AFF2: variants seen among roughly 807,000 people sequenced by gnomAD.
The protein encoded by AFF2 is ALF transcription elongation factor 2.
Under a neutral mutation model 76.9 loss-of-function variants are expected in AFF2, and 14 were observed. The ratio of observed to expected loss-of-function variants is 0.18; its 90% CI spans 0.12 to 0.28. AFF2 has a LOEUF of 0.28. Among genes scored for constraint, AFF2 ranks in the 10% least tolerant of loss-of-function variants. AFF2 has a pLI of 1.00. For missense variants in AFF2, 868 were observed against 1,001.1 expected (o/e 0.87, Z 1.79); for synonymous variants, 398 against 366.7 (o/e 1.09, Z -0.98).
intron 1 of AFF2, among the ~76,000 whole-genome samples, chrX:148,581,964 A>T (rs782249028): frequency 4.5e-5 from 5 of 111,939 alleles, no homozygotes; most frequent in Non-Finnish European, 9.4e-5. Flanking sequence ...ATGTTTCTTA[A>T]GTCTCCTTTA....
intron 3 of AFF2, among the ~76,000 whole-genome samples, chrX:148,788,940 A>T (rs2069857131): frequency 1.8e-5 from 2 of 111,788 alleles, no homozygotes; most frequent in Non-Finnish European, 3.8e-5. Flanking sequence ...CTCACTGCAT[A>T]TTTTCAAAAG....
At chrX:148,906,935 A>T (rs149808437) in intron 9 of AFF2, among the ~76,000 whole-genome samples, 1 of 111,566 alleles carries the variant, frequency 9.0e-6, no homozygotes, top group Non-Finnish European at 1.9e-5. Flanking sequence ...GCCTGGGTTC[A>T]TCCTAATCAG....
Position 148,630,108 on chromosome X carries a change from G to T in AFF2, c.48-21891G>T, listed in dbSNP as rs2053965274. ...AGAGAGTACCAGACCCCACAGAAATGCCCCCTGTGTGGGGTCTTACCAGAG... is the reference window on the plus strand; with the variant it reads ...AGAGAGTACCAGACCCCACAGAAATTCCCCCTGTGTGGGGTCTTACCAGAG... On this transcript the variant is annotated intron_variant, in intron 1 of 20. Coordinates refer to ENST00000370460, the MANE Select transcript of AFF2 (RefSeq NM_002025.4). Among the ~76,000 whole-genome samples, 3 of 111,450 alleles carry T rather than the reference G, an allele frequency of 2.7e-5. No individual in the cohort carries two copies. In the Admixed American group the frequency reaches 2.8e-4, roughly 11 times the overall value.
intron 1 of AFF2, among the ~76,000 whole-genome samples, chrX:148,579,816 G>A (rs1227813834): frequency 9.0e-6 from 1 of 111,457 alleles, no homozygotes; most frequent in Non-Finnish European, 1.9e-5. Flanking sequence ...TGGCCAAATA[G>A]ACATGATAAA....
rs2054209061 is a variant in AFF2, at chrX:148,652,147, T to C, written c.180+16T>C. 2 of 1,158,303 alleles carry C rather than the reference T, an allele frequency of 1.7e-6. No homozygotes were observed. The highest frequency in any genetic ancestry group is 3.6e-5 in the African/African-American group (2 of 55,617). On this transcript the variant is annotated intron_variant, in intron 2 of 20. Coordinates refer to ENST00000370460, the MANE Select transcript of AFF2 (RefSeq NM_002025.4). ...AGCTGAATATGTATGTAATTTTTCT[T>C]TCTGGAAAATGGTTGCTTGTTACAT...
intron 3 of AFF2, among the ~76,000 whole-genome samples, chrX:148,698,518 A>T (rs931228813): frequency 2.7e-5 from 3 of 112,742 alleles, no homozygotes; most frequent in African/African-American, 9.7e-5. Flanking sequence ...AATATGTAAT[A>T]TGAAGGTGAT....
Position 148,663,894 on chromosome X carries a change from A to G in AFF2, c.1041+1126A>G, listed in dbSNP as rs1443868328. On this transcript the variant is annotated intron_variant, in intron 3 of 20. Transcript: ENST00000370460. The stretch of plus-strand genomic sequence containing the variant: ...GGACGATGGGAACATAAAGGGAGGG[A>G]GGCCTGGGGCTGTTGACTATATTTT... 1.1e-3 allele frequency among the ~76,000 whole-genome samples: 126 copies of G among 111,807 alleles called. 11 individuals carry two copies. Among genetic ancestry groups the G allele is most frequent in the Non-Finnish European group, 5.6e-5 (3 of 53,143 alleles).
At chrX:148,675,742 T>C (rs888880767) in intron 3 of AFF2, among the ~76,000 whole-genome samples, 4 of 109,767 alleles carry the variant, frequency 3.6e-5, no homozygotes, top group African/African-American at 1.3e-4. Context: ...CTAAATGTTC[T>C]CTCCTGTGTG....
At chrX:148,571,210 T>C (rs2053225614) in intron 1 of AFF2, among the ~76,000 whole-genome samples, 1 of 111,970 alleles carries the variant, frequency 8.9e-6, no homozygotes, top group Non-Finnish European at 1.9e-5. Flanking sequence ...GGCAAGCCTG[T>C]GGACTACTTA....
intron 9 of AFF2, among the ~76,000 whole-genome samples, chrX:148,906,688 T>C (rs1243919170): frequency 9.0e-6 from 1 of 111,599 alleles, no homozygotes; most frequent in Non-Finnish European, 1.9e-5. Flanking sequence ...GTATGGGAGC[T>C]CTGTTTTCAC....
At chrX:148,971,327 C>A (rs1419842832) in intron 15 of AFF2, among the ~76,000 whole-genome samples, 2 of 100,841 alleles carry the variant, frequency 2.0e-5, no homozygotes, top group Non-Finnish European at 4.0e-5. Context: ...GCGATACGGG[C>A]TTTATGCCCA....
At chrX:148,632,889 A>G (rs1397715198) in intron 1 of AFF2, among the ~76,000 whole-genome samples, 4 of 112,132 alleles carry the variant, frequency 3.6e-5, no homozygotes, top group Non-Finnish European at 5.6e-5. Flanking sequence ...AGTGACAGAA[A>G]GATGGAAACC....
intron 3 of AFF2, among the ~76,000 whole-genome samples, chrX:148,716,152 A>G (rs2055023162): frequency 8.9e-6 from 1 of 111,751 alleles, no homozygotes. Flanking sequence ...TCAGCTAACT[A>G]TATGTCATAG....
intron 1 of AFF2, among the ~76,000 whole-genome samples, chrX:148,552,652 C>T (rs782070279): frequency 8.9e-6 from 1 of 112,292 alleles, no homozygotes; most frequent in Non-Finnish European, 1.9e-5. Flanking sequence ...TTGGTCTGCT[C>T]ACTTTGCTGT....
chrX:148,805,916 G>A (rs1365686856), intron 3 of AFF2, among the ~76,000 whole-genome samples: 1 of 112,606 alleles, frequency 8.9e-6, no homozygotes, highest in Non-Finnish European at 1.9e-5. Context: ...AGCCTCCCCT[G>A]TGTGTCGTGC....
chrX:148,906,832 G>A (rs373554379), intron 9 of AFF2, among the ~76,000 whole-genome samples: 15 of 111,630 alleles, frequency 1.3e-4, no homozygotes, highest in Admixed American at 6.6e-4. Context: ...CTCCGGATCC[G>A]GCAGAGTGTC....
chrX:148,623,274 G>A (rs1334103691), intron 1 of AFF2, among the ~76,000 whole-genome samples: 2 of 111,110 alleles, frequency 1.8e-5, no homozygotes, highest in Admixed American at 1.9e-4. Context: ...CCATGCAGAA[G>A]ACCATGAGTG....
chrX:148,698,317 T>C (rs1385175647), intron 3 of AFF2, among the ~76,000 whole-genome samples: 1 of 112,749 alleles, frequency 8.9e-6, no homozygotes, highest in Non-Finnish European at 1.9e-5. Context: ...TGATCCATCT[T>C]AATTTATTTT....
rs1557281198 is a variant in AFF2, at chrX:148,904,201, A to AT, written c.1360-14dup. On this transcript the variant is annotated intron_variant, in intron 8 of 20. Coordinates refer to ENST00000370460, the MANE Select transcript of AFF2 (RefSeq NM_002025.4). ...ATGCCTGCTAATATTGTCTAATTGC[A>AT]TTTTTTCTTCTGTTTACAGGCTGTT... The AT allele has an allele frequency of 2.8e-6, 3 of 1,074,494 alleles. No individual in the cohort carries two copies. The highest frequency in any genetic ancestry group is 2.6e-6 in the Non-Finnish European group (2 of 775,296). The allele number at this position is 1,074,494 out of a possible 1,213,427, so 88.6% of individuals were successfully genotyped here.
Sources: gnomAD v4.1 joint callset for allele counts (sites outside exome capture counted in the v4.1 genomes callset) on GRCh38, gnomAD v4.1.1 for gene constraint, MANE v1.5 for transcripts, NCBI Gene and HGNC (gene_info 2026-07-23, HGNC 2026-07-21) for gene names.